The following ST7 variants were observed in gnomAD, a reference collection of about 807,000 sequenced individuals.
ST7 encodes the protein suppressor of tumorigenicity 7 protein.
In ST7, 28 loss-of-function variants were observed where a neutral mutation model predicts 78.7. That is an observed-to-expected ratio of 0.36 (90% CI 0.26 to 0.49). The LOEUF (loss-of-function observed/expected upper bound fraction) is 0.49. Ranked by LOEUF, ST7 falls within the 20% of genes least tolerant of loss-of-function variation. The pLI is 0.99. For synonymous variants in ST7, 247 were observed against 249.6 expected, an observed-to-expected ratio of 0.99 and a Z score of 0.10; for missense variants, 418 against 696.0, an observed-to-expected ratio of 0.60 and a Z score of 4.49.
intron 13 of ST7, among the ~76,000 whole-genome samples, chr7:117,217,295 A>T (rs1448305596): frequency 6.6e-6 from 1 of 152,014 alleles, no homozygotes; most frequent in Non-Finnish European, 1.5e-5. Flanking sequence ...TGGGAAAAAA[A>T]AAAACAAAAA....
At chr7:117,192,803 A>T (rs1374872476) in intron 12 of ST7, among the ~76,000 whole-genome samples, 1 of 152,196 alleles carries the variant, frequency 6.6e-6, no homozygotes, top group African/African-American at 2.4e-5. Flanking sequence ...AAGCCCTAAG[A>T]AACACTTTAA....
At chr7:116,978,061 A>G (rs1011589782) in intron 1 of ST7, among the ~76,000 whole-genome samples, 1 of 152,058 alleles carries the variant, frequency 6.6e-6, no homozygotes, top group Non-Finnish European at 1.5e-5. Flanking sequence ...AGCTTTTACC[A>G]TTCTCATTCT....
chr7:117,134,401 T>C (rs1804616096), intron 7 of ST7, among the ~76,000 whole-genome samples: 1 of 151,990 alleles, frequency 6.6e-6, no homozygotes, highest in African/African-American at 2.4e-5. Context: ...CTCTCCTTTT[T>C]CCTTCACTCA....
chr7:117,215,219 T>C (rs1327233639), intron 13 of ST7, among the ~76,000 whole-genome samples: 2 of 152,124 alleles, frequency 1.3e-5, no homozygotes, highest in East Asian at 3.9e-4. Context: ...CTTTTGACTT[T>C]TGAATTTTCT....
intron 12 of ST7, among the ~76,000 whole-genome samples, chr7:117,194,707 C>A (rs1464861984): frequency 6.6e-6 from 1 of 152,180 alleles, no homozygotes; most frequent in Non-Finnish European, 1.5e-5. Flanking sequence ...CGGTTCTATA[C>A]CTTCATCTTT....
At chr7:117,183,443 A>G (rs1296640898) in intron 10 of ST7, among the ~76,000 whole-genome samples, 2 of 151,824 alleles carry the variant, frequency 1.3e-5, no homozygotes, top group African/African-American at 4.8e-5. Flanking sequence ...AAAATTATAT[A>G]TATATAATTG....
chr7:116,997,533 G>A (rs527809289), intron 1 of ST7, among the ~76,000 whole-genome samples: 11 of 152,262 alleles, frequency 7.2e-5, no homozygotes, highest in African/African-American at 2.6e-4. Flanking sequence ...ACAGGGTGCT[G>A]ATTGGTGTGT....
rs763423090 is a variant in ST7, at chr7:116,953,568, G to A, written c.28G>A (p.Glu10Lys). The change falls in exon 1 of 16, where the codon GAG becomes AAG. Residue 10 changes from glutamate (E) to lysine (K), a missense_variant. Physicochemically the swap from Glu to Lys is moderately conservative, Grantham distance 56 (BLOSUM62 1). Transcript: ENST00000323984. MAEAATGFL[E>K]QLKSCIVWSW... ...GGCTGAAGCGGCCACGGGCTTTCTG[G>A]AGCAGCTCAAGTCCTGCATAGTTTG... is the stretch of plus-strand genomic sequence containing the variant. The A allele has an allele frequency of 1.4e-5, 21 of 1,455,974 alleles. No homozygotes were observed. The highest frequency in any genetic ancestry group is 1.5e-5 in the Non-Finnish European group (16 of 1,085,864). 90.2% of individuals were successfully genotyped at this position (1,455,974 alleles called of 1,614,324 possible).
chr7:117,142,905 T>C (rs1805444927), intron 9 of ST7, among the ~76,000 whole-genome samples: 2 of 152,190 alleles, frequency 1.3e-5, no homozygotes, highest in South Asian at 4.1e-4. Flanking sequence ...CCACTGTGCC[T>C]GGCCCAGACA....
At chr7:116,986,437 GA>G in intron 1 of ST7, among the ~76,000 whole-genome samples, 1 of 152,186 alleles carries the variant, frequency 6.6e-6, no homozygotes, top group East Asian at 1.9e-4. Flanking sequence ...TTCAGTTTCA[GA>G]AAGGACAAAA....
chr7:117,070,769 T>G (rs1798897485), intron 1 of ST7, among the ~76,000 whole-genome samples: 11 of 151,978 alleles, frequency 7.2e-5, no homozygotes, highest in Admixed American at 7.2e-4. Flanking sequence ...GGTCTCAATC[T>G]CTTGACCTTG....
chr7:117,195,451 G>A (rs950050512), intron 12 of ST7, among the ~76,000 whole-genome samples: 7 of 152,112 alleles, frequency 4.6e-5, no homozygotes, highest in Non-Finnish European at 1.0e-4. Flanking sequence ...CTTGTTAACT[G>A]TATTAGTCCA....
chr7:117,118,390 C>T (rs1325544144), intron 2 of ST7: 8 of 152,176 alleles, frequency 5.3e-5, no homozygotes, highest in African/African-American at 1.9e-4. Flanking sequence ...GGATTGGAAA[C>T]ATTTCGTTTG....
intron 15 of ST7, chr7:117,223,578 G>T (rs535632448): frequency 6.5e-6 from 1 of 153,168 alleles, no homozygotes; most frequent in Non-Finnish European, 1.5e-5. Flanking sequence ...ACCTTTGCAC[G>T]TGCTGTTTGC....
Position 117,099,791 on chromosome 7 carries a change from A to C in ST7, c.181A>C (p.Lys61Gln). 1 of 1,613,698 alleles carries C rather than the reference A, an allele frequency of 6.2e-7. No homozygotes were observed. The highest frequency in any genetic ancestry group is 8.5e-7 in the Non-Finnish European group (1 of 1,179,850). Residue 61 changes from lysine to glutamine, a missense_variant, in exon 2 of 16, where the codon AAG becomes CAG. Transcript: ENST00000323984. ...VSMFLNTLTP[K>Q]FYVALTGTSS... ...CATGTTTTTGAACACATTAACACCG[A>C]AGTTCTACGTGGCCCTAACAGGCAC...
chr7:116,999,035 C>G (rs1280479203), intron 1 of ST7, among the ~76,000 whole-genome samples: 1 of 152,200 alleles, frequency 6.6e-6, no homozygotes, highest in Non-Finnish European at 1.5e-5. Flanking sequence ...ATTAATTTTT[C>G]AGTTGAGAAC....
At chr7:117,170,832 C>T (rs553398883) in intron 9 of ST7, 30 bp from the exon 10 acceptor site, 2 of 1,161,492 alleles carry the variant, frequency 1.7e-6, no homozygotes, top group African/African-American at 3.1e-5. Flanking sequence ...ACATAATATA[C>T]TAATTATTCC....
chr7:116,975,672 T>A (rs1562988090), intron 1 of ST7, among the ~76,000 whole-genome samples: 2 of 151,792 alleles, frequency 1.3e-5, no homozygotes, highest in Non-Finnish European at 2.9e-5. Context: ...CCTCCTAAAG[T>A]GCTGGAATTA....
chr7:116,959,733 G>A (rs1792724207), intron 1 of ST7: 1 of 152,226 alleles, frequency 6.6e-6, no homozygotes, highest in Admixed American at 6.5e-5. Context: ...TTTGAGTTTA[G>A]AATGTATCCC....
Sources: gnomAD v4.1 joint callset for allele counts (sites outside exome capture counted in the v4.1 genomes callset) on GRCh38, gnomAD v4.1.1 for gene constraint, MANE v1.5 for transcripts, NCBI Gene and HGNC (gene_info 2026-07-23, HGNC 2026-07-21) for gene names.